Variants in MYOF observed in about 807,000 individuals in gnomAD.
MYOF encodes the protein myoferlin, also known as fer-1-like 3, myoferlin.
A neutral mutation model predicts 284.2 loss-of-function variants in MYOF; 244 were observed. That is an observed-to-expected ratio of 0.86 (90% CI 0.77 to 0.95). The LOEUF is 0.95. Among genes scored for constraint, MYOF ranks in the 40% least tolerant of loss-of-function variants. The pLI is 0.00. For synonymous variants in MYOF, 904 were observed against 919.7 expected, an observed-to-expected ratio of 0.98 and a Z score of 0.31; for missense variants, 2,496 against 2,560.6, an observed-to-expected ratio of 0.97 and a Z score of 0.54.
In MYOF at chr10:93,476,245, C is replaced by CT. The variant is rs67108011; in HGVS notation, c.88+5861dup. ...CTCTTTCTCACATCACTTCCCCATT[C>CT]TTTTTTTTTTTTTTTTTTTTTTTTT... On this transcript the variant is annotated intron_variant, in intron 1 of 53. Coordinates refer to ENST00000359263, the MANE Select transcript of MYOF (RefSeq NM_013451.4). Among the ~76,000 whole-genome samples the CT allele has an allele frequency of 6.6e-3, 430 of 65,020 alleles. 21 individuals are homozygous for CT. The highest frequency in any genetic ancestry group is 0.014 in the African/African-American group (214 of 15,066). The allele number at this position is 65,020 out of a possible 152,430, so 42.7% of individuals were successfully genotyped here.
At chr10:93,436,871 T>C (rs1849147914) in intron 3 of MYOF, among the ~76,000 whole-genome samples, 1 of 152,214 alleles carries the variant, frequency 6.6e-6, no homozygotes, top group Non-Finnish European at 1.5e-5. Flanking sequence ...TAGAATATTA[T>C]AGTGTGACAG....
chr10:93,396,108 T>G lies in MYOF; in HGVS notation c.1417+34A>C, dbSNP rs1275418112. 4.6e-6 allele frequency: 7 copies of G among 1,518,756 alleles called. No homozygotes were observed. In the East Asian group the frequency reaches 1.6e-4, roughly 35 times the overall value. 94.1% of individuals were successfully genotyped at this position (1,518,756 alleles called of 1,614,324 possible). On this transcript the variant is annotated intron_variant, in intron 16 of 53. Coordinates refer to ENST00000359263, the MANE Select transcript of MYOF (RefSeq NM_013451.4). ...TCTCAGACTGGAGAAAAGTTCTGTA[T>G]CCAGTCTTGTTCTAGATCTGTTGAG...
chr10:93,320,806 G>A (rs767989873), intron 48 of MYOF, among the ~76,000 whole-genome samples: 10 of 152,074 alleles, frequency 6.6e-5, no homozygotes, highest in Non-Finnish European at 1.0e-4. Flanking sequence ...TGGTTTTCTC[G>A]AAACTGCACA....
At chr10:93,450,122 A>T (rs1462713315) in intron 3 of MYOF, among the ~76,000 whole-genome samples, 1 of 152,078 alleles carries the variant, frequency 6.6e-6, no homozygotes, top group Non-Finnish European at 1.5e-5. Context: ...GGCCGGGTGC[A>T]GTAGCTCACA....
At position 93,337,920 on chromosome 10, in the gene MYOF, A is replaced by T. The variant is rs776648937; in HGVS notation, c.4339-7T>A. 1 of 1,607,216 alleles carries T rather than the reference A, an allele frequency of 6.2e-7. No homozygotes were observed. Among genetic ancestry groups the T allele is most frequent in the Non-Finnish European group, 8.5e-7 (1 of 1,174,264 alleles). On this transcript the variant is annotated splice_region_variant and splice_polypyrimidine_tract_variant and intron_variant, in intron 39 of 53. Transcript: ENST00000359263. ...AGTCCACGATTTCTTCCTCCTAAAG[A>T]CATGCCAAAATGGAAAAATCTTTAG...
At chr10:93,395,534 C>T (rs995817254) in intron 16 of MYOF, among the ~76,000 whole-genome samples, 2 of 152,212 alleles carry the variant, frequency 1.3e-5, no homozygotes, top group Admixed American at 1.3e-4. Flanking sequence ...GTTACAATTT[C>T]TGGCATATGC....
chr10:93,471,618 G>T, intron 1 of MYOF, among the ~76,000 whole-genome samples: 1 of 152,216 alleles, frequency 6.6e-6, no homozygotes. Context: ...GCGGGGCGTG[G>T]TGCCTCACGC....
At chr10:93,469,020 A>C (rs2057075776) in intron 1 of MYOF, among the ~76,000 whole-genome samples, 1 of 152,210 alleles carries the variant, frequency 6.6e-6, no homozygotes, top group Admixed American at 6.5e-5. Context: ...CTCCCTTGAT[A>C]TCTGAGTCTA....
chr10:93,441,601 T>A (rs1341511220), intron 3 of MYOF, among the ~76,000 whole-genome samples: 5 of 149,888 alleles, frequency 3.3e-5, no homozygotes, highest in African/African-American at 1.2e-4. Context: ...TCTCACTCTG[T>A]CACCCAGGCC....
chr10:93,372,767 C>T (rs1413862720), intron 24 of MYOF, among the ~76,000 whole-genome samples, 163 bp downstream of exon 24: 1 of 152,238 alleles, frequency 6.6e-6, no homozygotes, highest in Non-Finnish European at 1.5e-5. Context: ...TCAGATCACT[C>T]TCTCTCAGAA....
intron 3 of MYOF, among the ~76,000 whole-genome samples, chr10:93,438,016 A>T (rs187423820): frequency 1.8e-4 from 28 of 152,106 alleles, no homozygotes; most frequent in Middle Eastern, 6.8e-3. Flanking sequence ...AGAGAATCCT[A>T]CTCGGTCAGT....
chr10:93,319,750 C>A, intron 49 of MYOF, 122 bp downstream of exon 49: 1 of 1,362,668 alleles, frequency 7.3e-7, no homozygotes, highest in Non-Finnish European at 1.0e-6. Context: ...TTCCCCATCT[C>A]TGCTGAGAAG....
rs1437080723 is a variant in MYOF, at chr10:93,317,698, A to G, written c.5599-885T>C. Among the ~76,000 whole-genome samples the G allele has an allele frequency of 3.3e-5, 5 of 152,154 alleles. No homozygotes were observed. In the East Asian group the frequency reaches 7.7e-4, roughly 23 times the overall value. On this transcript the variant is annotated intron_variant, in intron 49 of 53. Coordinates refer to ENST00000359263, the MANE Select transcript of MYOF (RefSeq NM_013451.4). Reference sequence around the variant, plus strand: ...GCTTGTGGTCACTTAAGACCCTCAGATCCTCATGCTAGAGGTAGGTTGAAG... The same window carrying G: ...GCTTGTGGTCACTTAAGACCCTCAGGTCCTCATGCTAGAGGTAGGTTGAAG...
intron 3 of MYOF, among the ~76,000 whole-genome samples, chr10:93,442,927 G>C (rs75506868): frequency 2.0e-5 from 3 of 152,128 alleles, no homozygotes; most frequent in Non-Finnish European, 4.4e-5. Flanking sequence ...GGGAGGCCGA[G>C]GGGGGCGGGT....
intron 3 of MYOF, among the ~76,000 whole-genome samples, chr10:93,443,173 T>C (rs1464458572): frequency 6.6e-6 from 1 of 152,098 alleles, no homozygotes; most frequent in Non-Finnish European, 1.5e-5. Flanking sequence ...AAAAAATTTT[T>C]TTTAAAGAAT....
chr10:93,399,123 G>C (rs12415587), intron 13 of MYOF, among the ~76,000 whole-genome samples: 21 of 152,292 alleles, frequency 1.4e-4, no homozygotes, highest in Admixed American at 1.3e-3. Context: ...GACCTGAAAA[G>C]CAATTCCAGA....
At chr10:93,308,937 C>A (rs1404232155) in intron 53 of MYOF, among the ~76,000 whole-genome samples, 2 of 152,160 alleles carry the variant, frequency 1.3e-5, no homozygotes, top group Non-Finnish European at 2.9e-5. Context: ...GTCTTGAACT[C>A]CTGACCTCAA....
At chr10:93,472,130 C>T (rs770101519) in intron 1 of MYOF, among the ~76,000 whole-genome samples, 8 of 152,104 alleles carry the variant, frequency 5.3e-5, no homozygotes, top group African/African-American at 1.4e-4. Flanking sequence ...TCACTGAGGA[C>T]GAGGCCTGCA....
chr10:93,478,815 G>C, intron 1 of MYOF, among the ~76,000 whole-genome samples: 1 of 26,114 alleles, frequency 3.8e-5, no homozygotes, highest in Non-Finnish European at 8.2e-5. Context: ...ATGGCAGGGT[G>C]AAACAGTCTC....
Sources: gnomAD v4.1 joint callset for allele counts (sites outside exome capture counted in the v4.1 genomes callset) on GRCh38, gnomAD v4.1.1 for gene constraint, MANE v1.5 for transcripts, NCBI Gene and HGNC (gene_info 2026-07-23, HGNC 2026-07-21) for gene names.